The following LSAMP variants were observed in gnomAD, a reference collection of about 807,000 sequenced individuals.
LSAMP encodes the protein limbic system-associated membrane protein.
In LSAMP, 7 loss-of-function variants were observed where a neutral mutation model predicts 38.6. The observed-to-expected ratio is 0.18, with a 90% CI of 0.10 to 0.34. The LOEUF (loss-of-function observed/expected upper bound fraction) is 0.34, where lower values mean the gene tolerates loss of function less well. Among genes scored for constraint, LSAMP ranks in the 10% least tolerant of loss-of-function variants. The pLI, the probability that LSAMP is intolerant of heterozygous loss-of-function variation, is 1.00. For synonymous variants in LSAMP, 154 were observed against 166.8 expected (o/e 0.92, Z 0.59); for missense variants, 313 against 420.0 (o/e 0.75, Z 2.23).
intron 3 of LSAMP, among the ~76,000 whole-genome samples, chr3:115,898,648 T>C (rs1413257443): frequency 6.6e-6 from 1 of 151,252 alleles, no homozygotes; most frequent in Non-Finnish European, 1.5e-5. Context: ...ATTTCTTTGA[T>C]CTTAACAAGA....
chr3:116,278,167 CAG>C (rs2047079269), intron 1 of LSAMP, among the ~76,000 whole-genome samples: 1 of 152,128 alleles, frequency 6.6e-6, no homozygotes, highest in Non-Finnish European at 1.5e-5. Flanking sequence ...TGCTGATTAT[CAG>C]AGCAATTCTA....
intron 3 of LSAMP, among the ~76,000 whole-genome samples, chr3:115,925,005 C>T (rs1017376194): frequency 2.6e-5 from 4 of 152,124 alleles, no homozygotes; most frequent in African/African-American, 7.2e-5. Flanking sequence ...CATTCTAGAC[C>T]ATGTTCTAGG....
Position 116,086,545 on chromosome 3 carries a change from T to C in LSAMP, c.167A>G (p.Glu56Gly). The change falls in exon 2 of 7, where the codon GAA becomes GGA. Residue 56 changes from glutamate to glycine, a missense_variant. Glu to Gly is a moderately conservative substitution (Grantham distance 98). Coordinates refer to ENST00000490035, the MANE Select transcript of LSAMP (RefSeq NM_002338.5). Reference sequence around the variant, plus strand: ...CCAGGCCACCTTTGAGTTCTTGTCTTCTACAACGCACCTGACAGAGCAGAG... The same window carrying C: ...CCAGGCCACCTTTGAGTTCTTGTCTCCTACAACGCACCTGACAGAGCAGAG... ...GDTAILRCVV[E>G]DKNSKVAWLN... is the part of the protein sequence containing the mutation. 1 of 1,614,074 alleles carries C rather than the reference T, an allele frequency of 6.2e-7. No individual in the cohort carries two copies. The highest frequency in any genetic ancestry group is 8.5e-7 in the Non-Finnish European group (1 of 1,179,906).
intron 1 of LSAMP, among the ~76,000 whole-genome samples, chr3:116,389,231 G>A (rs749812970): frequency 5.3e-5 from 8 of 152,106 alleles, no homozygotes; most frequent in Non-Finnish European, 7.4e-5. Flanking sequence ...GCAAACACAG[G>A]CTCTCTAGTG....
At chr3:116,180,371 C>T (rs1307153169) in intron 1 of LSAMP, among the ~76,000 whole-genome samples, 1 of 48,376 alleles carries the variant, frequency 2.1e-5, no homozygotes, top group African/African-American at 5.5e-5. Context: ...TTTTTTTATC[C>T]CAGATTTTTT....
At chr3:116,025,759 C>T (rs1940776082) in intron 2 of LSAMP, among the ~76,000 whole-genome samples, 1 of 152,018 alleles carries the variant, frequency 6.6e-6, no homozygotes, top group South Asian at 2.1e-4. Flanking sequence ...CTGGCCAGCC[C>T]AGTATTTCTG....
chr3:115,946,788 C>T (rs932084435), intron 3 of LSAMP, among the ~76,000 whole-genome samples: 4 of 151,900 alleles, frequency 2.6e-5, no homozygotes, highest in South Asian at 4.1e-4. Flanking sequence ...TTTGAGGTCA[C>T]TATAATCTCA....
intron 1 of LSAMP, among the ~76,000 whole-genome samples, chr3:116,206,326 C>G (rs1243911543): frequency 1.3e-5 from 2 of 150,158 alleles, no homozygotes; most frequent in Non-Finnish European, 3.0e-5. Context: ...AGCGGTCTAT[C>G]AATTTTGTTG....
intron 3 of LSAMP, among the ~76,000 whole-genome samples, chr3:115,994,527 C>T (rs1207436037): frequency 6.6e-6 from 1 of 151,966 alleles, no homozygotes; most frequent in Non-Finnish European, 1.5e-5. Flanking sequence ...GTCTTTGTAA[C>T]TGATATAGTG....
chr3:116,432,452 T>G (rs1195806929), intron 1 of LSAMP, among the ~76,000 whole-genome samples: 1 of 151,840 alleles, frequency 6.6e-6, no homozygotes, highest in African/African-American at 2.4e-5. Flanking sequence ...TACAAATACA[T>G]ACTCTTAGAA....
intron 1 of LSAMP, among the ~76,000 whole-genome samples, chr3:116,278,823 A>G (rs1282082420): frequency 6.6e-6 from 1 of 151,560 alleles, no homozygotes; most frequent in Admixed American, 6.5e-5. Flanking sequence ...TATAATGGAT[A>G]TCTGCCAAAT....
chr3:116,253,014 T>C (rs2046705040), intron 1 of LSAMP, among the ~76,000 whole-genome samples: 1 of 152,196 alleles, frequency 6.6e-6, no homozygotes, highest in South Asian at 2.1e-4. Flanking sequence ...CTCGAATCAA[T>C]ACGACATTCA....
chr3:116,339,031 T>C (rs1268658078), intron 1 of LSAMP, among the ~76,000 whole-genome samples: 1 of 151,998 alleles, frequency 6.6e-6, no homozygotes, highest in African/African-American at 2.4e-5. Context: ...AAGGAAGCTC[T>C]CAGGATTCTA....
chr3:116,076,987 A>T lies in LSAMP; in HGVS notation c.388+9337T>A, dbSNP rs9840171. ...CTATTGATTTAATATATTTCTTCAG[A>T]TAAATGCACAAGTTACCAAACTATT... On this transcript the variant is annotated intron_variant, in intron 2 of 6. Coordinates refer to ENST00000490035, the MANE Select transcript of LSAMP (RefSeq NM_002338.5). Among the ~76,000 whole-genome samples the T allele has an allele frequency of 8.8e-3, 1,336 of 152,048 alleles. 21 individuals are homozygous for T. The highest frequency in any genetic ancestry group is 0.029 in the African/African-American group (1,202 of 41,518).
intron 1 of LSAMP, among the ~76,000 whole-genome samples, chr3:116,285,177 C>T (rs2047176781): frequency 6.6e-6 from 1 of 152,100 alleles, no homozygotes. Flanking sequence ...CTTCAACTTC[C>T]CCATCCCCAT....
chr3:115,852,104 C>T (rs1935350094), intron 4 of LSAMP, among the ~76,000 whole-genome samples: 3 of 152,178 alleles, frequency 2.0e-5, no homozygotes, highest in Admixed American at 2.0e-4. Flanking sequence ...TCCTGACAAA[C>T]AATGCATTAA....
chr3:116,085,865 T>A (rs1707977782), intron 2 of LSAMP, among the ~76,000 whole-genome samples: 1 of 152,214 alleles, frequency 6.6e-6, no homozygotes, highest in Admixed American at 6.5e-5. Flanking sequence ...TGGAAAATTT[T>A]ATTTTTTCAG....
chr3:115,940,214 C>T (rs565175629), intron 3 of LSAMP, among the ~76,000 whole-genome samples: 7 of 152,242 alleles, frequency 4.6e-5, no homozygotes, highest in African/African-American at 1.7e-4. Context: ...TTGTGAAGAG[C>T]AAAAGAACAA....
intron 1 of LSAMP, among the ~76,000 whole-genome samples, chr3:116,128,610 A>G (rs1173567957): frequency 1.3e-5 from 2 of 152,188 alleles, no homozygotes; most frequent in Non-Finnish European, 2.9e-5. Flanking sequence ...GCTGCCACTC[A>G]CTTGTATTGC....
Sources: gnomAD v4.1 joint callset for allele counts (sites outside exome capture counted in the v4.1 genomes callset) on GRCh38, gnomAD v4.1.1 for gene constraint, MANE v1.5 for transcripts, NCBI Gene and HGNC (gene_info 2026-07-23, HGNC 2026-07-21) for gene names.